The following BAZ2B variants were observed in gnomAD, a reference collection of about 807,000 sequenced individuals.
The protein encoded by BAZ2B is bromodomain adjacent to zinc finger domain protein 2B.
A neutral mutation model predicts 246.0 loss-of-function variants in BAZ2B; 91 were observed. The observed-to-expected ratio is 0.37, with a 90% CI of 0.31 to 0.44. The LOEUF (loss-of-function observed/expected upper bound fraction) is 0.44, where lower values mean the gene tolerates loss of function less well. Among genes scored for constraint, BAZ2B ranks in the 20% least tolerant of loss-of-function variants. BAZ2B has a pLI of 1.00. For synonymous variants in BAZ2B, 855 were observed against 860.0 expected, an observed-to-expected ratio of 0.99 and a Z score of 0.10; for missense variants, 2,332 against 2,533.7, an observed-to-expected ratio of 0.92 and a Z score of 1.71.
At chr2:159,458,719 T>C (rs1466146008) in intron 3 of BAZ2B, 2 of 152,232 alleles carry the variant, frequency 1.3e-5, no homozygotes, top group African/African-American at 2.4e-5. Context: ...TCAATAATAC[T>C]ATCTCCTTTA....
upstream of BAZ2B, among the ~76,000 whole-genome samples, chr2:159,620,042 C>A (rs957286321): frequency 6.6e-6 from 1 of 152,192 alleles, no homozygotes; most frequent in Non-Finnish European, 1.5e-5. Context: ...GACTATGCCA[C>A]CAATATGGAC....
chr2:159,434,266 T>C (rs1290697552), intron 8 of BAZ2B: 1 of 151,912 alleles, frequency 6.6e-6, no homozygotes, highest in Admixed American at 6.6e-5. Flanking sequence ...GTTCAAGTGA[T>C]TCTCCTGCCT....
chr2:159,559,508 T>G (rs1259740273), intron 1 of BAZ2B, among the ~76,000 whole-genome samples: 2 of 152,198 alleles, frequency 1.3e-5, no homozygotes, highest in Non-Finnish European at 1.5e-5. Flanking sequence ...ATAAATTCCA[T>G]TTTACTTTTG....
At position 159,478,668 on chromosome 2, in the gene BAZ2B, T is replaced by G. The variant is rs373390123; in HGVS notation, c.52A>C (p.Thr18Pro). 2 of 1,610,618 alleles carry G rather than the reference T, an allele frequency of 1.2e-6. No individual in the cohort carries two copies. The highest frequency in any genetic ancestry group is 1.3e-5 in the African/African-American group (1 of 74,866). ...PSSAASSTTPTSSSTPSVASV... is the reference protein window; with the variant it reads ...PSSAASSTTPPSSSTPSVASV... The stretch of plus-strand genomic sequence containing the variant: ...GCCACAGAAGGTGTCGAAGATGAAG[T>G]TGGTGTAGTAGAGGAGGCTGCTGAG... Residue 18 changes from threonine to proline, a missense_variant, in exon 3 of 37, where the codon ACT (threonine) becomes CCT (proline). Around this residue, in one of 9 missense-constraint regions of BAZ2B, gnomAD observed 242 missense variants for 237.4 expected, o/e 1.02. Coordinates refer to ENST00000392783, the MANE Select transcript of BAZ2B (RefSeq NM_013450.4).
At chr2:159,605,329 C>T (rs773857541) in intron 1 of BAZ2B, among the ~76,000 whole-genome samples, 1 of 152,030 alleles carries the variant, frequency 6.6e-6, no homozygotes, top group African/African-American at 2.4e-5. Context: ...AGGCACTGCA[C>T]CTGGCTTGAT....
intron 3 of BAZ2B, chr2:159,458,980 C>T (rs2076108783): frequency 6.6e-6 from 1 of 152,140 alleles, no homozygotes; most frequent in Admixed American, 6.6e-5. Flanking sequence ...TTTCTCACTG[C>T]TGTATTTTTG....
chr2:159,515,361 T>C (rs1382529281), intron 2 of BAZ2B, among the ~76,000 whole-genome samples: 1 of 152,116 alleles, frequency 6.6e-6, no homozygotes. Flanking sequence ...ATTTCAGTCG[T>C]GTATCCAACA....
At chr2:159,597,995 CTTT>C (rs10569900) in intron 1 of BAZ2B, among the ~76,000 whole-genome samples, 55,166 of 148,178 alleles carry the variant, frequency 0.37, 12,110 homozygotes, top group Middle Eastern at 0.59. Context: ...TAGACGTATT[CTTT>C]TTTTTTTTTT....
At chr2:159,666,779 C>T in the BAZ2B span, among the ~76,000 whole-genome samples, 1 of 152,036 alleles carries the variant, frequency 6.6e-6, no homozygotes, top group Non-Finnish European at 1.5e-5. Context: ...TGCTTGAATT[C>T]AGGAGGCGGA....
intron 2 of BAZ2B, among the ~76,000 whole-genome samples, chr2:159,552,514 C>T (rs561466960): frequency 2.4e-4 from 36 of 152,156 alleles, no homozygotes; most frequent in Non-Finnish European, 4.4e-4. Flanking sequence ...AATAATGCAT[C>T]GTTTTATAGG....
intron 30 of BAZ2B, among the ~76,000 whole-genome samples, chr2:159,348,357 T>C (rs1473781071): frequency 6.6e-6 from 1 of 151,122 alleles, no homozygotes; most frequent in African/African-American, 2.4e-5. Flanking sequence ...GTGTACTATT[T>C]GCATGTAATC....
chr2:159,556,387 AT>A (rs1206287226), intron 1 of BAZ2B, among the ~76,000 whole-genome samples: 1 of 152,226 alleles, frequency 6.6e-6, no homozygotes, highest in Non-Finnish European at 1.5e-5. Flanking sequence ...ACTGGGAAGA[AT>A]TTAGAACAGG....
At chr2:159,562,235 T>C (rs2089946464) in intron 1 of BAZ2B, among the ~76,000 whole-genome samples, 1 of 152,130 alleles carries the variant, frequency 6.6e-6, no homozygotes, top group Admixed American at 6.6e-5. Flanking sequence ...TTCCCATAGG[T>C]TGAATCACAA....
At chr2:159,464,786 T>C (rs557011876) in intron 3 of BAZ2B, 4 of 152,222 alleles carry the variant, frequency 2.6e-5, no homozygotes, top group Non-Finnish European at 5.9e-5. Context: ...TTAGAGTTCA[T>C]AGATTAAAAT....
the BAZ2B span, among the ~76,000 whole-genome samples, chr2:159,648,909 T>G: frequency 1.3e-5 from 2 of 152,274 alleles, no homozygotes; most frequent in East Asian, 1.9e-4. Flanking sequence ...TTTACCAAAG[T>G]GGCTATAACA....
At chr2:159,351,989 T>TACC (rs1187027337) in intron 27 of BAZ2B, among the ~76,000 whole-genome samples, 1 of 152,234 alleles carries the variant, frequency 6.6e-6, no homozygotes, top group Admixed American at 6.5e-5. Context: ...TATCTATGAC[T>TACC]ACCATTTTGC....
chr2:159,396,052 A>G, intron 19 of BAZ2B: 1 of 447,820 alleles, frequency 2.2e-6, no homozygotes, highest in South Asian at 3.2e-5. Context: ...AAAAGCAAAA[A>G]GGTAAAGCAA....
the BAZ2B span, among the ~76,000 whole-genome samples, chr2:159,650,702 CCT>C: frequency 6.6e-6 from 1 of 152,052 alleles, no homozygotes; most frequent in Non-Finnish European, 1.5e-5. Context: ...AGTACTGCAC[CCT>C]GTGATATCTA....
intron 16 of BAZ2B, 56 bp from the exon 17 acceptor site, chr2:159,400,720 G>T: frequency 9.8e-7 from 1 of 1,021,718 alleles, no homozygotes; most frequent in Non-Finnish European, 1.5e-6. Flanking sequence ...TGAGTAAAGA[G>T]TATTTGAGTG....
Sources: gnomAD v4.1 joint callset for allele counts (sites outside exome capture counted in the v4.1 genomes callset) on GRCh38, gnomAD v4.1.1 for gene constraint, gnomAD v4.1.1 regional missense constraint, MANE v1.5 for transcripts, NCBI Gene and HGNC (gene_info 2026-07-23, HGNC 2026-07-21) for gene names.